The following LDB1 variants were observed in gnomAD, a reference collection of about 807,000 sequenced individuals.
LDB1 encodes the protein LIM domain-binding protein 1.
A neutral mutation model predicts 49.7 loss-of-function variants in LDB1; 6 were observed. That is an observed-to-expected ratio of 0.12 (90% CI 0.07 to 0.24). The LOEUF (loss-of-function observed/expected upper bound fraction) is 0.24, where lower values mean the gene tolerates loss of function less well. LDB1 is among the 10% of genes least tolerant of loss of function. The probability of loss-of-function intolerance (pLI) is 1.00; values close to 1 mark genes in which losing one functional copy is unlikely to be tolerated. For synonymous variants in LDB1, 233 were observed against 202.0 expected (o/e 1.15, Z -1.30); for missense variants, 341 against 561.7 (o/e 0.61, Z 3.97).
downstream of LDB1, among the ~76,000 whole-genome samples, chr10:102,102,257 G>A (rs147306558): frequency 6.6e-6 from 1 of 152,224 alleles, no homozygotes; most frequent in African/African-American, 2.4e-5. Flanking sequence ...AATGTGTGCT[G>A]TGCATGGAAC....
At chr10:102,120,435 G>A, upstream of LDB1, 1 of 975,962 alleles carries the variant, frequency 1.0e-6, no homozygotes, top group Non-Finnish European at 1.2e-6. Context: ...GTCGCCGAGC[G>A]CCCCCCTCTC....
intron 1 of LDB1, among the ~76,000 whole-genome samples, chr10:102,119,818 C>G (rs1317280763): frequency 6.6e-6 from 1 of 151,682 alleles, no homozygotes; most frequent in Non-Finnish European, 1.5e-5. Context: ...TTCAGCCCCC[C>G]CCAAACCTCT....
intron 1 of LDB1, 72 bp downstream of exon 1, chr10:102,120,014 C>T: frequency 7.9e-7 from 1 of 1,262,118 alleles, no homozygotes; most frequent in Non-Finnish European, 1.1e-6. Flanking sequence ...CAAGTTCTCG[C>T]CAAACACGGG....
chr10:102,109,689 G>A lies in LDB1; in HGVS notation c.649-6C>T, dbSNP rs367758586. On this transcript the variant is annotated splice_region_variant and splice_polypyrimidine_tract_variant and intron_variant, in intron 7 of 10. Coordinates refer to ENST00000673968, the MANE Select transcript of LDB1 (RefSeq NM_001113407.3). This position sits in a 1 kb window ranked among gnomAD's most constrained non-coding sequence, Gnocchi z 5.8. The stretch of plus-strand genomic sequence containing the variant: ...AACATCTGGGGGTCTTGGGCCTAGA[G>A]TGGGAGAAAAGACAAGAAAGAACAC... The A allele has an allele frequency of 1.7e-4, 269 of 1,613,786 alleles. No individual in the cohort carries two copies. Among genetic ancestry groups the A allele is most frequent in the Non-Finnish European group, 2.3e-4 (266 of 1,179,828 alleles).
intron 1 of LDB1, 48 bp downstream of exon 1, chr10:102,120,038 A>G: frequency 7.2e-7 from 1 of 1,383,714 alleles, no homozygotes; most frequent in East Asian, 3.0e-5. Flanking sequence ...AGGGGTCCGC[A>G]GGGACGGCTG....
At chr10:102,105,791 A>C (rs566157776), downstream of LDB1, among the ~76,000 whole-genome samples, 40 of 147,000 alleles carry the variant, frequency 2.7e-4, no homozygotes, top group Admixed American at 2.1e-3. Flanking sequence ...GTGAAACCCT[A>C]TCTCTACTAA....
chr10:102,109,957 G>A lies in LDB1; in HGVS notation c.612C>T (p.His204=). Residue 204 remains histidine (H), a synonymous_variant, in exon 7 of 11, where the codon CAC becomes CAT. Transcript: ENST00000673968. This position sits in a 1 kb window ranked among gnomAD's most constrained non-coding sequence, Gnocchi z 5.8. ...GGATGCTGCGGGGGATGAGCTCTCG[G>A]TGCTGCCGGATGCTGAAGTGCCACG... The part of the protein sequence containing the change: ...IKTWHFSIRQ[H]RELIPRSILA... The A allele has an allele frequency of 6.2e-7, 1 of 1,611,354 alleles. No individual in the cohort carries two copies. The highest frequency in any genetic ancestry group is 8.5e-7 in the Non-Finnish European group (1 of 1,179,892).
rs1463085489 is a variant in LDB1 at position 102,111,121 on chromosome 10, T to G, written c.197A>C (p.Gln66Pro). Reference protein sequence around the residue: ...GIGRHTPYGNQTDYRIFELNK... With the variant: ...GIGRHTPYGNPTDYRIFELNK... ...AAGCTCAAATATTCTGTAGTCAGTTTGGTTGCCATATGGTGTGTGCCTCCT... is the reference window on the plus strand; with the variant it reads ...AAGCTCAAATATTCTGTAGTCAGTTGGGTTGCCATATGGTGTGTGCCTCCT... Residue 66 changes from glutamine to proline, a missense_variant, in exon 4 of 11, where the codon CAA becomes CCA. Gln to Pro is a moderately conservative substitution (Grantham distance 76). Transcript: ENST00000673968. 8.7e-6 allele frequency: 14 copies of G among 1,614,050 alleles called. No homozygotes were observed. The highest frequency in any genetic ancestry group is 1.2e-5 in the Non-Finnish European group (14 of 1,180,028).
At chr10:102,120,905 G>T (rs1047904272), upstream of LDB1, among the ~76,000 whole-genome samples, 1 of 152,118 alleles carries the variant, frequency 6.6e-6, no homozygotes, top group African/African-American at 2.4e-5. Flanking sequence ...CCCTGTCCGT[G>T]CTCCCTGCTG....
Position 102,110,712 on chromosome 10 carries a change from G to T in LDB1, c.353-11C>A. ...GGGTCCGGCCAATGGCTGTAGAGAT[G>T]GGACAAACTCTTCAGGACAAAGGGA... On this transcript the variant is annotated splice_polypyrimidine_tract_variant and intron_variant, in intron 5 of 10. Coordinates refer to ENST00000673968, the MANE Select transcript of LDB1 (RefSeq NM_001113407.3). 1 of 1,610,068 alleles carries T rather than the reference G, an allele frequency of 6.2e-7. No homozygotes were observed. Among genetic ancestry groups the T allele is most frequent in the Admixed American group, 1.7e-5 (1 of 59,812 alleles).
Position 102,120,183 on chromosome 10 carries a change from A to AGCC in LDB1, c.-76_-74dup, listed in dbSNP as rs898836319. ...CCCTCGCGGGGACAGGCCGGGCATG[A>AGCC]GCCGCCGCCGCCGCCCGCGGCCCCC... On this transcript the variant is annotated 5_prime_UTR_variant, in exon 1 of 11. Transcript: ENST00000673968. 1.3e-4 allele frequency: 149 copies of AGCC among 1,142,248 alleles called. No homozygotes were observed. The highest frequency in any genetic ancestry group is 1.4e-4 in the Non-Finnish European group (130 of 928,940). 70.8% of individuals were successfully genotyped at this position (1,142,248 alleles called of 1,614,324 possible). A position where few individuals can be genotyped will look rare whatever the true frequency, so the allele number is the denominator to read the frequency against.
At chr10:102,108,434 C>T (rs2133500386) in intron 10 of LDB1, 111 bp from the exon 11 acceptor site, 8 of 748,412 alleles carry the variant, frequency 1.1e-5, no homozygotes, top group African/African-American at 5.3e-5. Context: ...AGAGTCCCCA[C>T]CCCCTCCTCA....
In LDB1 at chr10:102,109,222, C is replaced by A. The variant is rs937122528; in HGVS notation, c.857-45G>T. The stretch of plus-strand genomic sequence containing the variant: ...CTCAGATGGGAGAGGGCCCCAGGTC[C>A]CCTATTCTCCATTGTGGCTCCCAAG... On this transcript the variant is annotated intron_variant, in intron 9 of 10. Transcript: ENST00000673968. This position sits in a 1 kb window ranked among gnomAD's most constrained non-coding sequence, Gnocchi z 5.8. 5.6e-6 allele frequency: 9 copies of A among 1,611,512 alleles called. No homozygotes were observed. Among genetic ancestry groups the A allele is most frequent in the Non-Finnish European group, 5.9e-6 (7 of 1,179,432 alleles).
Position 102,115,913 on chromosome 10 carries a change from T to TAC in LDB1, c.25+4171_25+4172dup, listed in dbSNP as rs766185658. On this transcript the variant is annotated intron_variant, in intron 1 of 10. Coordinates refer to ENST00000673968, the MANE Select transcript of LDB1 (RefSeq NM_001113407.3). ...CAAATAGGAAAAGGAAAATACATAG[T>TAC]ACACACACACACACACAAACACACA... Among the ~76,000 whole-genome samples, 249 of 150,140 alleles carry TAC rather than the reference T, an allele frequency of 1.7e-3. 1 individual carries two copies. The highest frequency in any genetic ancestry group is 4.4e-3 in the African/African-American group (181 of 40,818).
chr10:102,120,183 AGCCGCCGCC>A lies in LDB1; in HGVS notation c.-82_-74del. The A allele has an allele frequency of 8.8e-7, 1 of 1,142,246 alleles. No homozygotes were observed. The highest frequency in any genetic ancestry group is 1.1e-6 in the Non-Finnish European group (1 of 928,940). The allele number at this position is 1,142,246 out of a possible 1,614,324, so 70.8% of individuals were successfully genotyped here. The stretch of plus-strand genomic sequence containing the variant: ...CCCTCGCGGGGACAGGCCGGGCATG[AGCCGCCGCC>A]GCCGCCCGCGGCCCCCGCTGCGCTC... On this transcript the variant is annotated 5_prime_UTR_variant, in exon 1 of 11. Coordinates refer to ENST00000673968, the MANE Select transcript of LDB1 (RefSeq NM_001113407.3).
chr10:102,106,799 A>C lies in LDB1; in HGVS notation c.*1294T>G, dbSNP rs2068166564. ...GCCACAGAGCTGGACCAGCTGCGTG[A>C]AACCCTGCTCCTGGCTGCACCCTGG... On this transcript the variant is annotated 3_prime_UTR_variant, in exon 11 of 11. Coordinates refer to ENST00000673968, the MANE Select transcript of LDB1 (RefSeq NM_001113407.3). Among the ~76,000 whole-genome samples, 1 of 152,110 alleles carries C rather than the reference A, an allele frequency of 6.6e-6. No homozygotes were observed. Among genetic ancestry groups the C allele is most frequent in the Non-Finnish European group, 1.5e-5 (1 of 68,030 alleles).
In LDB1 at chr10:102,108,309, C is replaced by T. The variant is rs561380723; in HGVS notation, c.1020G>A (p.Val340=). 1.9e-6 allele frequency: 3 copies of T among 1,613,712 alleles called. No homozygotes were observed. Among genetic ancestry groups the T allele is most frequent in the Admixed American group, 1.7e-5 (1 of 60,016 alleles). The part of the protein sequence containing the change: ...LSSQVPDVMV[V]GEPTLMGGEF... ...CCCCGCCCATCAGGGTGGGCTCCCC[C>T]ACCACCATCACATCCTGAGAGTGGC... Residue 340 remains valine, a synonymous_variant, in exon 11 of 11, where the codon GTG becomes GTA. Coordinates refer to ENST00000673968, the MANE Select transcript of LDB1 (RefSeq NM_001113407.3).
At chr10:102,113,782 T>A (rs115703265) in intron 1 of LDB1, among the ~76,000 whole-genome samples, 1 of 147,928 alleles carries the variant, frequency 6.8e-6, no homozygotes, top group Non-Finnish European at 1.5e-5. Context: ...AAAAAAACTC[T>A]CAGAGCCTCC....
At chr10:102,118,016 A>ACAGG (rs762490374) in intron 1 of LDB1, among the ~76,000 whole-genome samples, 8 of 151,914 alleles carry the variant, frequency 5.3e-5, no homozygotes, top group Admixed American at 1.3e-4. Context: ...AGAGACTCAG[A>ACAGG]CAGGCAGGCA....
Sources: gnomAD v4.1 joint callset for allele counts (sites outside exome capture counted in the v4.1 genomes callset) on GRCh38, gnomAD v4.1.1 for gene constraint, Gnocchi (gnomAD v3.1) non-coding constraint, MANE v1.5 for transcripts, NCBI Gene and HGNC (gene_info 2026-07-23, HGNC 2026-07-21) for gene names.